Variants in BOD1 observed in about 807,000 individuals in gnomAD.
BOD1 encodes the protein biorientation of chromosomes in cell division 1, also known as biorientation of chromosomes in cell division protein 1.
BOD1 carries 11 observed loss-of-function variants against 15.7 expected under a neutral mutation model. The observed-to-expected ratio is 0.70, with a 90% CI of 0.44 to 1.16. The LOEUF (loss-of-function observed/expected upper bound fraction) is 1.16, where lower values mean the gene tolerates loss of function less well. BOD1 is among the 50% of genes most tolerant of loss of function. The probability of loss-of-function intolerance (pLI) is 0.00; values close to 1 mark genes in which losing one functional copy is unlikely to be tolerated. For synonymous variants in BOD1, 105 were observed against 103.5 expected (o/e 1.01, Z -0.09); for missense variants, 182 against 244.5 (o/e 0.74, Z 1.70).
Position 173,616,229 on chromosome 5 carries a change from G to T in BOD1, c.208C>A (p.Arg70=). ...KSRGLFDSFR[R]DCLADVDTKP... ...GTGTCCACGTCGGCCAGGCAGTCCC[G>T]GCGGAAGCTGTCAAAAAGGCCCCGG... is the stretch of plus-strand genomic sequence containing the variant. Residue 70 remains arginine (R), a synonymous_variant, in exon 1 of 4, where the codon CGG becomes AGG. Transcript: ENST00000311086. The T allele has an allele frequency of 6.3e-7, 1 of 1,575,840 alleles. No individual in the cohort carries two copies. Among genetic ancestry groups the T allele is most frequent in the Non-Finnish European group, 8.6e-7 (1 of 1,161,662 alleles).
intron 2 of BOD1, among the ~76,000 whole-genome samples, chr5:173,612,044 C>G (rs2113333930): frequency 6.6e-6 from 1 of 152,324 alleles, no homozygotes; most frequent in South Asian, 2.1e-4. Context: ...TCTGAAAGAG[C>G]CCGGTGCCAC....
rs1755244825 is a variant in BOD1 at position 173,607,928 on chromosome 5, T to C, written c.*366A>G. ...ATTGTCTTTGGGACTGGCTATGTTCTCACTGTAGCTTCCGTTTATCCCACA... is the reference window on the plus strand; with the variant it reads ...ATTGTCTTTGGGACTGGCTATGTTCCCACTGTAGCTTCCGTTTATCCCACA... On this transcript the variant is annotated 3_prime_UTR_variant, in exon 4 of 4. Transcript: ENST00000311086. 5 of 274,178 alleles carry C rather than the reference T, an allele frequency of 1.8e-5. No individual in the cohort carries two copies. The allele number at this position is 274,178 out of a possible 1,614,324, so 17.0% of individuals were successfully genotyped here.
chr5:173,611,343 G>A (rs918046744), intron 2 of BOD1, among the ~76,000 whole-genome samples: 2 of 152,240 alleles, frequency 1.3e-5, no homozygotes, highest in African/African-American at 4.8e-5. Flanking sequence ...GTGAGCCAAT[G>A]CTCTGAAGGC....
In BOD1 at chr5:173,608,202, C is replaced by T. The variant is rs1755253277; in HGVS notation, c.*92G>A. ...TTGAAATCTTGAGATCAGTGACGACCTTGGCCTATCTTCAGTCTGAAGTTG... is the reference window on the plus strand; with the variant it reads ...TTGAAATCTTGAGATCAGTGACGACTTTGGCCTATCTTCAGTCTGAAGTTG... On this transcript the variant is annotated 3_prime_UTR_variant, in exon 4 of 4. Transcript: ENST00000311086. 1 of 1,465,186 alleles carries T rather than the reference C, an allele frequency of 6.8e-7. No individual in the cohort carries two copies. The highest frequency in any genetic ancestry group is 1.4e-5 in the African/African-American group (1 of 73,340). The allele number at this position is 1,465,186 out of a possible 1,614,324, so 90.8% of individuals were successfully genotyped here. A position where few individuals can be genotyped will look rare whatever the true frequency, so the allele number is the denominator to read the frequency against.
intron 1 of BOD1, among the ~76,000 whole-genome samples, chr5:173,614,213 C>T (rs1222249386): frequency 2.6e-5 from 4 of 152,198 alleles, no homozygotes; most frequent in Admixed American, 6.5e-5. Context: ...AATAGATTCT[C>T]CCCTTTGCAT....
Position 173,616,634 on chromosome 5 carries a change from G to A in BOD1, c.-198C>T. 3.0e-6 allele frequency: 4 copies of A among 1,316,156 alleles called. No individual in the cohort carries two copies. The highest frequency in any genetic ancestry group is 2.1e-5 in the South Asian group (1 of 48,146). 81.5% of individuals were successfully genotyped at this position (1,316,156 alleles called of 1,614,324 possible). A position where few individuals can be genotyped will look rare whatever the true frequency, so the allele number is the denominator to read the frequency against. On this transcript the variant is annotated 5_prime_UTR_variant, in exon 1 of 4. Transcript: ENST00000311086. The stretch of plus-strand genomic sequence containing the variant: ...CCCCTCTGATACAGCAGAGGTTGTG[G>A]TGGACGCGGCAGAAACGGCCTGCTC...
intron 2 of BOD1, 129 bp from the exon 3 acceptor site, chr5:173,609,563 G>A (rs1755294640): frequency 2.2e-6 from 2 of 904,716 alleles, no homozygotes; most frequent in Non-Finnish European, 1.7e-6. Flanking sequence ...GGAGTTTAGA[G>A]GTCAATCCAC....
chr5:173,616,116 G>GCT, intron 1 of BOD1, 84 bp downstream of exon 1: 4 of 1,497,958 alleles, frequency 2.7e-6, no homozygotes, highest in Non-Finnish European at 3.6e-6. Flanking sequence ...CTTTTGTTTT[G>GCT]CTCTCGGCTT....
rs1755507473 is a variant in BOD1, at chr5:173,616,459, G to A, written c.-23C>T. On this transcript the variant is annotated 5_prime_UTR_variant, in exon 1 of 4. Coordinates refer to ENST00000311086, the MANE Select transcript of BOD1 (RefSeq NM_138369.3). ...CATGGCTGCGCCCCGGGCCCACAAG[G>A]GAGAACGACTATAGCTTCTTCTCCA... 3 of 1,559,952 alleles carry A rather than the reference G, an allele frequency of 1.9e-6. No individual in the cohort carries two copies. Among genetic ancestry groups the A allele is most frequent in the Non-Finnish European group, 2.6e-6 (3 of 1,164,608 alleles).
Position 173,614,862 on chromosome 5 carries a change from A to G in BOD1, c.237+1338T>C, listed in dbSNP as rs1273427154. On this transcript the variant is annotated intron_variant, in intron 1 of 3. Transcript: ENST00000311086. ...AACCTCAGGTAGTACTGAACCCTAT[A>G]TACACTACGCATGAATGTCTTTGAG... 5 of 152,236 alleles carry G rather than the reference A, an allele frequency of 3.3e-5. No individual in the cohort carries two copies. The East Asian group carries it at 9.6e-4, about 29-fold the overall frequency. The allele number at this position is 152,236 out of a possible 1,614,324, so 9.4% of individuals were successfully genotyped here.
rs1474806625 is a variant in BOD1 at position 173,616,369 on chromosome 5, G to A, written c.68C>T (p.Ala23Val). 1.3e-6 allele frequency: 2 copies of A among 1,529,036 alleles called. No individual in the cohort carries two copies. The highest frequency in any genetic ancestry group is 2.4e-5 in the South Asian group (2 of 83,720). 94.7% of individuals were successfully genotyped at this position (1,529,036 alleles called of 1,614,324 possible). A position where few individuals can be genotyped will look rare whatever the true frequency, so the allele number is the denominator to read the frequency against. ...VGGGGTSQASAGAATGATGAS... is the reference protein window; with the variant it reads ...VGGGGTSQASVGAATGATGAS... ...CCCAGTAGCGCCAGTCGCTGCCCCG[G>A]CAGAGGCCTGGCTAGTTCCGCCGCC... is the stretch of plus-strand genomic sequence containing the variant. The change falls in exon 1 of 4, where the codon GCC becomes GTC. Residue 23 changes from alanine (A) to valine (V), a missense_variant. Coordinates refer to ENST00000311086, the MANE Select transcript of BOD1 (RefSeq NM_138369.3).
chr5:173,608,116 G>A lies in BOD1; in HGVS notation c.*178C>T, dbSNP rs1719825808. The A allele has an allele frequency of 1.8e-6, 1 of 543,308 alleles. No individual in the cohort carries two copies. The highest frequency in any genetic ancestry group is 2.0e-5 in the South Asian group (1 of 50,742). 33.7% of individuals were successfully genotyped at this position (543,308 alleles called of 1,614,324 possible). A position where few individuals can be genotyped will look rare whatever the true frequency, so the allele number is the denominator to read the frequency against. On this transcript the variant is annotated 3_prime_UTR_variant, in exon 4 of 4. Transcript: ENST00000311086. The stretch of plus-strand genomic sequence containing the variant: ...GCAGCACAATGCAGGGGGTGACACG[G>A]TCAACTCTCCCACTGCCGAACTTGC...
At chr5:173,613,326 A>G in intron 1 of BOD1, 71 bp from the exon 2 acceptor site, 4 of 1,558,090 alleles carry the variant, frequency 2.6e-6, no homozygotes, top group Non-Finnish European at 3.5e-6. Context: ...GTCTCTCAGA[A>G]CACTGCTTTT....
chr5:173,609,528 A>G (rs771619257), intron 2 of BOD1, 94 bp from the exon 3 acceptor site: 14 of 1,269,376 alleles, frequency 1.1e-5, no homozygotes, highest in Non-Finnish European at 1.5e-5. Flanking sequence ...ATAAATGTCC[A>G]CCTTCAAAGC....
In BOD1 at chr5:173,607,684, A is replaced by G. The variant is rs1174065423; in HGVS notation, c.*610T>C. On this transcript the variant is annotated 3_prime_UTR_variant, in exon 4 of 4. Coordinates refer to ENST00000311086, the MANE Select transcript of BOD1 (RefSeq NM_138369.3). ...AGAGAGCCTGCAAACGAGTTTCCTTATGCCTAATGTCTGAACTTCTCATAC... is the reference window on the plus strand; with the variant it reads ...AGAGAGCCTGCAAACGAGTTTCCTTGTGCCTAATGTCTGAACTTCTCATAC... 1 of 152,604 alleles carries G rather than the reference A, an allele frequency of 6.6e-6. No homozygotes were observed. Among genetic ancestry groups the G allele is most frequent in the East Asian group, 1.9e-4 (1 of 5,208 alleles). The allele number at this position is 152,604 out of a possible 1,614,324, so 9.5% of individuals were successfully genotyped here.
chr5:173,616,623 C>T lies in BOD1; in HGVS notation c.-187G>A, dbSNP rs997033748. 13 of 1,331,400 alleles carry T rather than the reference C, an allele frequency of 9.8e-6. No homozygotes were observed. The African/African-American group carries it at 1.4e-4, about 14-fold the overall frequency. The allele number at this position is 1,331,400 out of a possible 1,614,324, so 82.5% of individuals were successfully genotyped here. A position where few individuals can be genotyped will look rare whatever the true frequency, so the allele number is the denominator to read the frequency against. On this transcript the variant is annotated 5_prime_UTR_variant, in exon 1 of 4. Transcript: ENST00000311086. ...GCGGCGAAGGCCCCCTCTGATACAG[C>T]AGAGGTTGTGGTGGACGCGGCAGAA... is the stretch of plus-strand genomic sequence containing the variant.
chr5:173,612,778 A>G (rs558274654), intron 2 of BOD1, among the ~76,000 whole-genome samples: 7 of 152,318 alleles, frequency 4.6e-5, no homozygotes, highest in Middle Eastern at 3.4e-3. Context: ...TAAAGATCCA[A>G]CTCCTCTTGC....
intron 2 of BOD1, among the ~76,000 whole-genome samples, chr5:173,610,489 G>A (rs1242583435): frequency 6.6e-6 from 1 of 152,184 alleles, no homozygotes; most frequent in African/African-American, 2.4e-5. Context: ...TCGACAGGAA[G>A]CCTAGATGTA....
rs553014597 is a variant in BOD1, at chr5:173,616,607, G to A, written c.-171C>T. 1.2e-3 allele frequency: 1,570 copies of A among 1,350,270 alleles called. 2 individuals carry two copies. Among genetic ancestry groups the A allele is most frequent in the Non-Finnish European group, 1.2e-3 (1,263 of 1,058,522 alleles). The allele number at this position is 1,350,270 out of a possible 1,614,324, so 83.6% of individuals were successfully genotyped here. On this transcript the variant is annotated 5_prime_UTR_variant, in exon 1 of 4. Coordinates refer to ENST00000311086, the MANE Select transcript of BOD1 (RefSeq NM_138369.3). ...GGTGGTGGGGGCGGCGGCGGCGAAG[G>A]CCCCCTCTGATACAGCAGAGGTTGT... is the stretch of plus-strand genomic sequence containing the variant.
Sources: gnomAD v4.1 joint callset for allele counts (sites outside exome capture counted in the v4.1 genomes callset) on GRCh38, gnomAD v4.1.1 for gene constraint, MANE v1.5 for transcripts, NCBI Gene and HGNC (gene_info 2026-07-23, HGNC 2026-07-21) for gene names.